The following NRAP variants were observed in gnomAD, a reference collection of about 807,000 sequenced individuals.
The protein encoded by NRAP is nebulin related anchoring protein, also known as nebulin-related-anchoring protein.
In NRAP, 189 loss-of-function variants were observed where a neutral mutation model predicts 225.9. The ratio of observed to expected loss-of-function variants is 0.84; its 90% CI spans 0.74 to 0.94. The LOEUF (loss-of-function observed/expected upper bound fraction) is 0.94, where lower values mean the gene tolerates loss of function less well. NRAP is among the 40% of genes least tolerant of loss of function. NRAP has a pLI of 0.00. For missense variants in NRAP, 2,176 were observed against 2,168.7 expected (o/e 1.00, Z -0.07); for synonymous variants, 769 against 790.7 (o/e 0.97, Z 0.46).
At chr10:113,598,271 C>T (rs1027396232) in intron 35 of NRAP, among the ~76,000 whole-genome samples, 198 bp from the exon 36 acceptor site, 6 of 147,002 alleles carry the variant, frequency 4.1e-5, no homozygotes, top group Non-Finnish European at 8.9e-5. Flanking sequence ...TTAATTAATG[C>T]ATCACATACG....
In NRAP at chr10:113,629,772, T is replaced by C. The variant is rs777360132; in HGVS notation, c.1856A>G (p.Lys619Arg). 2.5e-6 allele frequency: 4 copies of C among 1,612,438 alleles called. No individual in the cohort carries two copies. Among genetic ancestry groups the C allele is most frequent in the Admixed American group, 1.7e-5 (1 of 60,010 alleles). Residue 619 changes from lysine to arginine, a missense_variant, in exon 19 of 42, where the codon AAA (lysine) becomes AGA (arginine). Transcript: ENST00000359988. ...AKMSSEVEYK[K>R]GFEESKTRFH... ...CCGGGTCTTACTCTCTTCAAAGCCT[T>C]TCTTATATTCAACCTTGAATATACC...
At position 113,654,794 on chromosome 10, in the gene NRAP, C is replaced by G. The variant is rs200458272; in HGVS notation, c.361-669G>C. On this transcript the variant is annotated intron_variant, in intron 4 of 41. Coordinates refer to ENST00000359988, the MANE Select transcript of NRAP (RefSeq NM_198060.4). ...GGCATCCACTTTAGAAGGTCCGTTC[C>G]ATGAAGGCAGGGATTTTCATGTCTG... Among the ~76,000 whole-genome samples the G allele has an allele frequency of 2.0e-5, 3 of 152,162 alleles. No homozygotes were observed. In the East Asian group the frequency reaches 5.8e-4, roughly 29 times the overall value.
intron 22 of NRAP, 95 bp downstream of exon 22, chr10:113,624,731 T>C (rs1848189760): frequency 2.4e-6 from 2 of 833,514 alleles, no homozygotes; most frequent in African/African-American, 1.7e-5. Flanking sequence ...CCTCAGTTGA[T>C]ACAGACACTA....
chr10:113,629,739 A>G lies in NRAP; in HGVS notation c.1889T>C (p.Leu630Pro). 1 of 1,614,062 alleles carries G rather than the reference A, an allele frequency of 6.2e-7. No homozygotes were observed. The highest frequency in any genetic ancestry group is 8.5e-7 in the Non-Finnish European group (1 of 1,179,902). Residue 630 changes from leucine (L) to proline (P), a missense_variant, in exon 19 of 42, where the codon CTG (leucine) becomes CCG (proline). Leu to Pro is a moderately conservative substitution (Grantham distance 98). Around this residue, in one of 3 missense-constraint regions of NRAP, gnomAD observed 1,708 missense variants for 1,695.5 expected, o/e 1.01. Transcript: ENST00000359988. ...GFEESKTRFH[L>P]PMDMVNIRHA... ...CCTGATGTTTACCATATCCATGGGC[A>G]GGTGAAACCGGGTCTTACTCTCTTC...
intron 24 of NRAP, among the ~76,000 whole-genome samples, chr10:113,621,576 G>T (rs990421643): frequency 6.6e-6 from 1 of 152,112 alleles, no homozygotes; most frequent in Non-Finnish European, 1.5e-5. Context: ...ATGACACAAA[G>T]ATACCTCCCC....
In NRAP at chr10:113,604,806, G is replaced by T. The variant is rs548749783; in HGVS notation, c.4030C>A (p.Leu1344Ile). ...CRRMGQLQSELQYRRGATSSQ... is the reference protein window; with the variant it reads ...CRRMGQLQSEIQYRRGATSSQ... Reference sequence around the variant, plus strand: ...CTGGTCGCCCCCCTCCTGTACTGAAGCTCGCTCTGCAGCTGGCCCATGCGC... The same window carrying T: ...CTGGTCGCCCCCCTCCTGTACTGAATCTCGCTCTGCAGCTGGCCCATGCGC... The change falls in exon 35 of 42, where the codon CTT (leucine) becomes ATT (isoleucine). Residue 1344 changes from leucine (L) to isoleucine (I), a missense_variant. Transcript: ENST00000359988. 5.2e-5 allele frequency: 84 copies of T among 1,614,172 alleles called. No homozygotes were observed. The South Asian group carries it at 7.9e-4, about 15-fold the overall frequency.
Sources: allele counts gnomAD v4.1 joint callset (sites outside exome capture counted in the v4.1 genomes callset), GRCh38; gene constraint gnomAD v4.1.1; regional missense constraint gnomAD v4.1.1; transcripts MANE v1.5; gene names NCBI Gene and HGNC (gene_info 2026-07-23, HGNC 2026-07-21).